LINGO2: variants seen among roughly 807,000 people sequenced by gnomAD.
LINGO2 encodes the protein leucine-rich repeat and immunoglobulin-like domain-containing nogo receptor-interacting protein 2.
In LINGO2, 14 loss-of-function variants were observed where a neutral mutation model predicts 30.6. The observed-to-expected ratio is 0.46, with a 90% CI of 0.30 to 0.72. The LOEUF is 0.72. LINGO2 is among the 30% of genes least tolerant of loss of function. LINGO2 has a pLI of 0.07. For missense variants in LINGO2, 729 were observed against 751.7 expected, an observed-to-expected ratio of 0.97 and a Z score of 0.35; for synonymous variants, 317 against 288.5, an observed-to-expected ratio of 1.10 and a Z score of -1.00.
At chr9:28,625,979 T>C (rs1030360799) in intron 1 of LINGO2, among the ~76,000 whole-genome samples, 1 of 150,888 alleles carries the variant, frequency 6.6e-6, no homozygotes, top group African/African-American at 2.5e-5. Context: ...AGTGTGTATG[T>C]TTGACTTTAC....
intron 2 of LINGO2, among the ~76,000 whole-genome samples, chr9:28,436,537 A>G (rs1284736149): frequency 3.3e-5 from 5 of 151,866 alleles, no homozygotes; most frequent in Non-Finnish European, 5.9e-5. Flanking sequence ...GGCTCACTGT[A>G]AGCTCCGCCT....
At chr9:28,098,560 G>T (rs2133300680) in intron 4 of LINGO2, among the ~76,000 whole-genome samples, 1 of 152,062 alleles carries the variant, frequency 6.6e-6, no homozygotes, top group African/African-American at 2.4e-5. Context: ...CATCCTTCAG[G>T]CATGGATCTT....
the LINGO2 span, among the ~76,000 whole-genome samples, chr9:28,990,237 G>A: frequency 6.6e-6 from 1 of 152,210 alleles, no homozygotes; most frequent in Non-Finnish European, 1.5e-5. Flanking sequence ...TACGCCCACG[G>A]AGTCTCGCTG....
At chr9:29,099,894 G>T in the LINGO2 span, among the ~76,000 whole-genome samples, 1 of 152,070 alleles carries the variant, frequency 6.6e-6, no homozygotes, top group African/African-American at 2.4e-5. Flanking sequence ...ATACGCCAAA[G>T]AAAGGAAATT....
chr9:29,186,215 A>T, the LINGO2 span, among the ~76,000 whole-genome samples: 2 of 152,138 alleles, frequency 1.3e-5, no homozygotes, highest in Non-Finnish European at 2.9e-5. Context: ...AAAAATTATC[A>T]ATTATTACTA....
chr9:28,428,009 G>A (rs1823483845), intron 2 of LINGO2, among the ~76,000 whole-genome samples: 5 of 152,034 alleles, frequency 3.3e-5, no homozygotes, highest in Admixed American at 3.3e-4. Context: ...CCTTTGCAGA[G>A]TCTCTGTGTG....
intron 1 of LINGO2, among the ~76,000 whole-genome samples, chr9:28,558,850 C>G (rs1185271467): frequency 2.0e-5 from 3 of 151,944 alleles, no homozygotes; most frequent in Non-Finnish European, 4.4e-5. Context: ...TCTTACTGGT[C>G]TATTGCATCC....
chr9:28,128,472 C>A (rs907107524), intron 4 of LINGO2, among the ~76,000 whole-genome samples: 3 of 152,234 alleles, frequency 2.0e-5, no homozygotes, highest in Admixed American at 1.3e-4. Flanking sequence ...ATCTAATTCT[C>A]CCTGCCTCTG....
chr9:29,046,115 G>C, the LINGO2 span, among the ~76,000 whole-genome samples: 1 of 152,030 alleles, frequency 6.6e-6, no homozygotes, highest in Non-Finnish European at 1.5e-5. Flanking sequence ...TTCCTATTTG[G>C]ATGCCTTTTC....
At chr9:27,969,804 C>T (rs772624338) in intron 5 of LINGO2, among the ~76,000 whole-genome samples, 3 of 151,994 alleles carry the variant, frequency 2.0e-5, no homozygotes, top group Middle Eastern at 3.2e-3. Context: ...CTCAGGAGAT[C>T]TGAGCTACTA....
chr9:28,791,885 T>G, the LINGO2 span, among the ~76,000 whole-genome samples: 3 of 151,804 alleles, frequency 2.0e-5, no homozygotes, highest in East Asian at 5.8e-4. Context: ...ATTATCTGAA[T>G]GAGTGACACT....
the LINGO2 span, among the ~76,000 whole-genome samples, chr9:28,844,426 G>C: frequency 6.6e-6 from 1 of 151,814 alleles, no homozygotes; most frequent in East Asian, 1.9e-4. Context: ...TCCAATATGA[G>C]CACAGTGGTT....
At chr9:28,280,181 G>A (rs1230360464) in intron 4 of LINGO2, among the ~76,000 whole-genome samples, 1 of 152,078 alleles carries the variant, frequency 6.6e-6, no homozygotes, top group East Asian at 1.9e-4. Flanking sequence ...GTAGTGTGCG[G>A]AAAAATTACA....
chr9:28,620,401 A>T (rs1826337150), intron 1 of LINGO2, among the ~76,000 whole-genome samples: 1 of 152,128 alleles, frequency 6.6e-6, no homozygotes, highest in Non-Finnish European at 1.5e-5. Context: ...TCTTTGCCCC[A>T]TTCAGTTTGA....
the LINGO2 span, among the ~76,000 whole-genome samples, chr9:28,733,187 A>T: frequency 7.9e-5 from 12 of 152,266 alleles, no homozygotes; most frequent in African/African-American, 2.9e-4. Context: ...TCCATTGCTT[A>T]TCCGTTGCAA....
chr9:28,862,837 T>C, the LINGO2 span, among the ~76,000 whole-genome samples: 2 of 152,140 alleles, frequency 1.3e-5, no homozygotes, highest in Non-Finnish European at 2.9e-5. Context: ...TAATCAGTTA[T>C]TAAAATAGTT....
At chr9:28,100,869 C>T (rs1161185418) in intron 4 of LINGO2, among the ~76,000 whole-genome samples, 1 of 152,100 alleles carries the variant, frequency 6.6e-6, no homozygotes, top group Non-Finnish European at 1.5e-5. Flanking sequence ...CATCTAAGTT[C>T]TGTTTTCATG....
At chr9:28,121,903 A>G (rs1827106824) in intron 4 of LINGO2, among the ~76,000 whole-genome samples, 1 of 152,220 alleles carries the variant, frequency 6.6e-6, no homozygotes, top group Non-Finnish European at 1.5e-5. Context: ...ATATCTTGCA[A>G]AAATGCAATA....
chr9:28,543,108 T>A (rs900070651), intron 1 of LINGO2, among the ~76,000 whole-genome samples: 2 of 152,102 alleles, frequency 1.3e-5, no homozygotes, highest in African/African-American at 2.4e-5. Context: ...ATGACGTATT[T>A]AGTACTTCAG....
Sources: allele counts gnomAD v4.1 joint callset (sites outside exome capture counted in the v4.1 genomes callset), GRCh38; gene constraint gnomAD v4.1.1; transcripts MANE v1.5; gene names NCBI Gene and HGNC (gene_info 2026-07-23, HGNC 2026-07-21).